The following CEP350 variants were observed in gnomAD, a reference collection of about 807,000 sequenced individuals.
CEP350 encodes centrosomal protein 350.
CEP350 carries 126 observed loss-of-function variants against 331.8 expected under a neutral mutation model. The observed-to-expected ratio is 0.38, with a 90% CI of 0.33 to 0.44. CEP350 has a LOEUF of 0.44. Among genes scored for constraint, CEP350 ranks in the 20% least tolerant of loss-of-function variants. The pLI, the probability that CEP350 is intolerant of heterozygous loss-of-function variation, is 1.00. For missense variants in CEP350, 3,406 were observed against 3,634.6 expected (o/e 0.94, Z 1.62); for synonymous variants, 1,200 against 1,259.5 (o/e 0.95, Z 1.00).
At chr1:179,981,994 T>G (rs1168182793) in intron 1 of CEP350, among the ~76,000 whole-genome samples, 1 of 152,074 alleles carries the variant, frequency 6.6e-6, no homozygotes, top group Non-Finnish European at 1.5e-5. Flanking sequence ...AGTGACACCT[T>G]GTCTCTTAAA....
rs529226399 is a variant in CEP350, at chr1:180,031,560, C to T, written c.3725+66C>T. 2.5e-5 allele frequency: 20 copies of T among 815,126 alleles called. No individual in the cohort carries two copies. In the African/African-American group the frequency reaches 2.7e-4, roughly 11 times the overall value. 50.5% of individuals were successfully genotyped at this position (815,126 alleles called of 1,614,324 possible). On this transcript the variant is annotated intron_variant, in intron 15 of 37. Coordinates refer to ENST00000367607, the MANE Select transcript of CEP350 (RefSeq NM_014810.5). ...ATATATAATTGATATTCAAAAAATC[C>T]ATATAATGAATTTTAACTCAGCAGT...
intron 4 of CEP350, 56 bp downstream of exon 4, chr1:179,990,677 AACAG>A (rs1469247681): frequency 7.5e-5 from 72 of 957,192 alleles, no homozygotes; most frequent in South Asian, 1.0e-4. Context: ...ATTTTGACAA[AACAG>A]ACAGCTAGAT....
chr1:180,073,998 T>C (rs878963775), intron 27 of CEP350: 2 of 1,171,726 alleles, frequency 1.7e-6, no homozygotes, highest in African/African-American at 1.6e-5. Flanking sequence ...TCTCTCTCTT[T>C]TTTTTTAATA....
At chr1:179,962,564 C>T (rs199693856) in intron 1 of CEP350, among the ~76,000 whole-genome samples, 2 of 152,212 alleles carry the variant, frequency 1.3e-5, no homozygotes, top group East Asian at 1.9e-4. Flanking sequence ...CACATGCCAC[C>T]ATGCCTGGCT....
chr1:180,052,745 A>G (rs1245986366), intron 22 of CEP350, among the ~76,000 whole-genome samples: 1 of 152,036 alleles, frequency 6.6e-6, no homozygotes, highest in Non-Finnish European at 1.5e-5. Flanking sequence ...AATTTTTTGC[A>G]ACATTAATCT....
chr1:180,076,235 C>T (rs575027803), intron 28 of CEP350, among the ~76,000 whole-genome samples: 2 of 151,816 alleles, frequency 1.3e-5, no homozygotes, highest in Non-Finnish European at 2.9e-5. Context: ...GAAAAAGAGA[C>T]ATTTCTCAAC....
chr1:180,051,521 G>T (rs1484231782), intron 22 of CEP350, among the ~76,000 whole-genome samples: 1 of 152,178 alleles, frequency 6.6e-6, no homozygotes, highest in Non-Finnish European at 1.5e-5. Context: ...TAGAGTAGTT[G>T]TTCTGTGTGT....
rs191237965 is a variant in CEP350 at position 180,048,631 on chromosome 1, T to C, written c.4718T>C (p.Ile1573Thr). 32 of 1,611,404 alleles carry C rather than the reference T, an allele frequency of 2.0e-5. No homozygotes were observed. The highest frequency in any genetic ancestry group is 8.3e-5 in the Admixed American group (5 of 59,974). The change falls in exon 22 of 38, where the codon ATT becomes ACT. Residue 1573 changes from isoleucine (I) to threonine (T), a missense_variant. By Grantham distance (89) the Ile-to-Thr change is moderately conservative. This residue lies in a region of CEP350 where 1,857 missense variants were observed against 1,909.2 expected (regional missense o/e 0.97). Coordinates refer to ENST00000367607, the MANE Select transcript of CEP350 (RefSeq NM_014810.5). ...KLNGEKIESS[I>T]DEQVQTAADD... ...AATGGTGAAAAGATAGAGAGTTCCATTGATGAACAGGTTCAGACTGCTGCA... is the reference window on the plus strand; with the variant it reads ...AATGGTGAAAAGATAGAGAGTTCCACTGATGAACAGGTTCAGACTGCTGCA...
chr1:180,058,810 A>G (rs2148994176), intron 25 of CEP350, among the ~76,000 whole-genome samples: 1 of 152,270 alleles, frequency 6.6e-6, no homozygotes, highest in South Asian at 2.1e-4. Flanking sequence ...AAGTGTAAGA[A>G]TATATGTGCT....
intron 14 of CEP350, among the ~76,000 whole-genome samples, chr1:180,028,812 G>GA (rs538520001): frequency 1.3e-4 from 19 of 151,812 alleles, no homozygotes; most frequent in Non-Finnish European, 2.2e-4. Flanking sequence ...CAAAAAAAAA[G>GA]AAAAAATCAT....
chr1:180,087,277 T>C, intron 31 of CEP350: 1 of 184,188 alleles, frequency 5.4e-6, no homozygotes, highest in South Asian at 1.3e-4. Flanking sequence ...AGAAGTTTTT[T>C]AATGTGGCAA....
At chr1:179,964,629 A>T (rs1310737082) in intron 1 of CEP350, among the ~76,000 whole-genome samples, 1 of 151,950 alleles carries the variant, frequency 6.6e-6, no homozygotes, top group Non-Finnish European at 1.5e-5. Context: ...GTTTCCAAGA[A>T]TTTATCCATT....
chr1:180,011,806 ATTGTAAATCTTT>A (rs1654677730), intron 8 of CEP350, 111 bp from the exon 9 acceptor site: 3 of 643,074 alleles, frequency 4.7e-6, no homozygotes, highest in Non-Finnish European at 7.8e-6. Context: ...ATATCATTAT[ATTGTAAATCTTT>A]TGACCTTGAC....
intron 22 of CEP350, among the ~76,000 whole-genome samples, chr1:180,050,534 G>T (rs1231410429): frequency 6.6e-6 from 1 of 151,060 alleles, no homozygotes; most frequent in Admixed American, 6.6e-5. Flanking sequence ...ATGGTGGTAT[G>T]CGCCTGTAGT....
At chr1:180,059,419 T>C in intron 25 of CEP350, among the ~76,000 whole-genome samples, 1 of 152,204 alleles carries the variant, frequency 6.6e-6, no homozygotes, top group South Asian at 2.1e-4. Flanking sequence ...TGCCACTTAC[T>C]TGCAGTTAAA....
At chr1:180,016,087 C>G in intron 11 of CEP350, 117 bp downstream of exon 11, 1 of 1,192,980 alleles carries the variant, frequency 8.4e-7, no homozygotes, top group Admixed American at 2.1e-5. Flanking sequence ...GGTTTATTTA[C>G]AAATTGGTTC....
intron 25 of CEP350, among the ~76,000 whole-genome samples, chr1:180,056,951 A>G (rs1416926401): frequency 3.9e-5 from 6 of 152,158 alleles, no homozygotes; most frequent in African/African-American, 1.4e-4. Flanking sequence ...GTTCATTAGT[A>G]TGTCCTCTAC....
At chr1:180,044,703 G>A (rs1401752165) in intron 21 of CEP350, among the ~76,000 whole-genome samples, 2 of 148,738 alleles carry the variant, frequency 1.3e-5, no homozygotes, top group African/African-American at 4.9e-5. Flanking sequence ...GGGAGGGATA[G>A]CATTAGGAGA....
intron 1 of CEP350, 76 bp from the exon 2 acceptor site, chr1:179,986,093 A>C (rs1278392388): frequency 9.9e-6 from 12 of 1,211,236 alleles, no homozygotes; most frequent in Non-Finnish European, 1.3e-5. Context: ...TCATAATATA[A>C]TTTTTAATGA....
Sources: allele counts gnomAD v4.1 joint callset (sites outside exome capture counted in the v4.1 genomes callset), GRCh38; gene constraint gnomAD v4.1.1; regional missense constraint gnomAD v4.1.1; transcripts MANE v1.5; gene names NCBI Gene and HGNC (gene_info 2026-07-23, HGNC 2026-07-21).